The following MNAT1 variants were observed in gnomAD, a reference collection of about 807,000 sequenced individuals.
MNAT1 encodes the protein CDK-activating kinase assembly factor MAT1.
Under a neutral mutation model 42.0 loss-of-function variants are expected in MNAT1, and 43 were observed. That is an observed-to-expected ratio of 1.02 (90% CI 0.80 to 1.32). The LOEUF is 1.32. Ranked by LOEUF, MNAT1 falls within the 40% of genes most tolerant of loss-of-function variation. The probability of loss-of-function intolerance (pLI) is 0.00; values close to 1 mark genes in which losing one functional copy is unlikely to be tolerated. For synonymous variants in MNAT1, 118 were observed against 120.0 expected (o/e 0.98, Z 0.11); for missense variants, 306 against 350.4 (o/e 0.87, Z 1.01).
chr14:60,785,347 C>G (rs1566764640), intron 1 of MNAT1, among the ~76,000 whole-genome samples: 1 of 152,118 alleles, frequency 6.6e-6, no homozygotes, highest in East Asian at 1.9e-4. Flanking sequence ...TAAAATATAA[C>G]TTAGGTTTTG....
intron 1 of MNAT1, among the ~76,000 whole-genome samples, chr14:60,783,401 T>C (rs1423861075): frequency 6.6e-6 from 1 of 152,258 alleles, no homozygotes; most frequent in Non-Finnish European, 1.5e-5. Flanking sequence ...ATGGTCTTTA[T>C]GTAGACCATG....
intron 6 of MNAT1, among the ~76,000 whole-genome samples, chr14:60,850,704 A>G (rs1486978401): frequency 6.6e-6 from 1 of 152,226 alleles, no homozygotes. Context: ...GATGTTGTCA[A>G]ATGCAAAGAT....
intron 1 of MNAT1, among the ~76,000 whole-genome samples, chr14:60,745,573 C>T (rs772385184): frequency 1.5e-4 from 23 of 152,158 alleles, no homozygotes; most frequent in African/African-American, 3.9e-4. Context: ...TGTACCACCA[C>T]GCCTGGCTAA....
intron 1 of MNAT1, among the ~76,000 whole-genome samples, chr14:60,787,227 C>T (rs922770624): frequency 3.3e-5 from 5 of 152,070 alleles, no homozygotes; most frequent in Non-Finnish European, 5.9e-5. Flanking sequence ...GTGACTAGCA[C>T]AATAAAGTGT....
intron 1 of MNAT1, among the ~76,000 whole-genome samples, chr14:60,795,073 A>T (rs1566768591): frequency 1.3e-5 from 2 of 152,220 alleles, no homozygotes; most frequent in African/African-American, 4.8e-5. Context: ...AGTGATTAGG[A>T]CTGTGTGGTC....
At chr14:60,813,277 T>C (rs2032612071) in intron 5 of MNAT1, among the ~76,000 whole-genome samples, 1 of 152,180 alleles carries the variant, frequency 6.6e-6, no homozygotes, top group South Asian at 2.1e-4. Flanking sequence ...AACTTGTTCC[T>C]GTATTGGTGC....
chr14:60,863,164 T>C (rs1458194337), intron 6 of MNAT1, among the ~76,000 whole-genome samples: 1 of 152,086 alleles, frequency 6.6e-6, no homozygotes, highest in Non-Finnish European at 1.5e-5. Context: ...TAAATAGAAA[T>C]AAATGAGAAA....
At chr14:60,803,233 C>T (rs898029986) in intron 3 of MNAT1, among the ~76,000 whole-genome samples, 13 of 152,206 alleles carry the variant, frequency 8.5e-5, no homozygotes, top group Middle Eastern at 3.4e-3. Context: ...CCGCACCCAG[C>T]GAAAACTTCC....
chr14:60,920,407 T>G (rs1334650002), intron 7 of MNAT1, among the ~76,000 whole-genome samples: 1 of 152,152 alleles, frequency 6.6e-6, no homozygotes, highest in Non-Finnish European at 1.5e-5. Flanking sequence ...CTTTCCATTA[T>G]GGATTGAAAA....
At chr14:60,892,679 A>C (rs1462019444) in intron 7 of MNAT1, among the ~76,000 whole-genome samples, 1 of 151,942 alleles carries the variant, frequency 6.6e-6, no homozygotes, top group Non-Finnish European at 1.5e-5. Flanking sequence ...CTTATTTCCT[A>C]TATAACTGTT....
rs2036719578 is a variant in MNAT1 at position 60,968,292 on chromosome 14, T to C, written c.873T>C (p.Leu291=). Residue 291 remains leucine, a synonymous_variant, in exon 8 of 8, where the codon CTT becomes CTC. Coordinates refer to ENST00000261245, the MANE Select transcript of MNAT1 (RefSeq NM_002431.4). The part of the protein sequence containing the change: ...QDLAGGYTSS[L]ACHRALQDAF... Reference sequence around the variant, plus strand: ...TTGCTGGAGGCTATACTTCTTCTCTTGCTTGTCACAGAGCACTACAGGATG... The same window carrying C: ...TTGCTGGAGGCTATACTTCTTCTCTCGCTTGTCACAGAGCACTACAGGATG... 4 of 1,614,040 alleles carry C rather than the reference T, an allele frequency of 2.5e-6. No homozygotes were observed. The highest frequency in any genetic ancestry group is 2.5e-6 in the Non-Finnish European group (3 of 1,179,932).
chr14:60,817,510 T>A (rs993024210), intron 5 of MNAT1, among the ~76,000 whole-genome samples: 4 of 152,024 alleles, frequency 2.6e-5, no homozygotes, highest in Non-Finnish European at 4.4e-5. Context: ...GCAAAACACT[T>A]CTATTATAAA....
chr14:60,798,980 C>T (rs1373084140), intron 3 of MNAT1, among the ~76,000 whole-genome samples: 1 of 152,068 alleles, frequency 6.6e-6, no homozygotes, highest in Non-Finnish European at 1.5e-5. Context: ...TAAAATGGAT[C>T]ATTCTTTAGA....
intron 6 of MNAT1, among the ~76,000 whole-genome samples, chr14:60,845,118 T>C (rs970178180): frequency 6.6e-6 from 1 of 151,974 alleles, no homozygotes; most frequent in African/African-American, 2.4e-5. Context: ...ATGCTAGCAA[T>C]GGTTTTGTTA....
intron 7 of MNAT1, among the ~76,000 whole-genome samples, chr14:60,958,634 CTTTTTTTTT>C (rs71114172): frequency 1.1e-5 from 1 of 93,900 alleles, no homozygotes; most frequent in African/African-American, 4.3e-5. Context: ...GAGACAAGGT[CTTTTTTTTT>C]TTTTTTTTTT....
At chr14:60,735,018 TG>T (rs749295742) in intron 1 of MNAT1, 67 bp downstream of exon 1, 145 of 1,463,786 alleles carry the variant, frequency 9.9e-5, no homozygotes, top group Non-Finnish European at 1.3e-4. Context: ...GACCGGGAGA[TG>T]CTAGGCCTCG....
chr14:60,961,785 C>T (rs1178650131), intron 7 of MNAT1, among the ~76,000 whole-genome samples: 1 of 152,018 alleles, frequency 6.6e-6, no homozygotes, highest in Non-Finnish European at 1.5e-5. Context: ...ATCTAAATTT[C>T]TGCATTTTTG....
chr14:60,839,926 G>A (rs1337094281), intron 6 of MNAT1, among the ~76,000 whole-genome samples: 1 of 152,184 alleles, frequency 6.6e-6, no homozygotes, highest in East Asian at 1.9e-4. Flanking sequence ...TGGGATCTGG[G>A]CTGATGGCAT....
At position 60,947,247 on chromosome 14, in the gene MNAT1, C is replaced by T. The variant is rs547454009; in HGVS notation, c.810-20982C>T. Among the ~76,000 whole-genome samples the T allele has an allele frequency of 5.9e-5, 9 of 152,122 alleles. No homozygotes were observed. The East Asian group carries it at 1.4e-3, about 23-fold the overall frequency. On this transcript the variant is annotated intron_variant, in intron 7 of 7. Coordinates refer to ENST00000261245, the MANE Select transcript of MNAT1 (RefSeq NM_002431.4). ...CTAGGACCCCAACATATAAAATAGT[C>T]AAAAGCAGAACTACTCCATTACAGT...
Sources: gnomAD v4.1 joint callset for allele counts (sites outside exome capture counted in the v4.1 genomes callset) on GRCh38, gnomAD v4.1.1 for gene constraint, MANE v1.5 for transcripts, NCBI Gene and HGNC (gene_info 2026-07-23, HGNC 2026-07-21) for gene names.